MBTPS1: variants seen among roughly 807,000 people sequenced by gnomAD.
MBTPS1 encodes the protein membrane bound transcription factor peptidase, site 1.
MBTPS1 carries 94 observed loss-of-function variants against 127.8 expected under a neutral mutation model. That is an observed-to-expected ratio of 0.74 (90% CI 0.62 to 0.87). MBTPS1 has a LOEUF of 0.87. MBTPS1 is among the 40% of genes least tolerant of loss of function. The pLI, the probability that MBTPS1 is intolerant of heterozygous loss-of-function variation, is 0.00. For synonymous variants in MBTPS1, 632 were observed against 509.4 expected (o/e 1.24, Z -3.24); for missense variants, 1,636 against 1,353.2 (o/e 1.21, Z -3.28).
chr16:84,102,025 C>T lies in MBTPS1; in HGVS notation c.-242G>A. ...GGAAATAAGGCTTCTCTCACTCAGG[C>T]CGTGACGACTGAGTCCTGTACTCCA... On this transcript the variant is annotated 5_prime_UTR_variant, in exon 2 of 23. Transcript: ENST00000343411. 3 of 479,030 alleles carry T rather than the reference C, an allele frequency of 6.3e-6. No individual in the cohort carries two copies. Among genetic ancestry groups the T allele is most frequent in the Non-Finnish European group, 7.5e-6 (2 of 265,414 alleles). The allele number at this position is 479,030 out of a possible 1,614,324, so 29.7% of individuals were successfully genotyped here. A position where few individuals can be genotyped will look rare whatever the true frequency, so the allele number is the denominator to read the frequency against.
rs530592781 is a variant in MBTPS1 at position 84,084,963 on chromosome 16, C to G, written c.1286+20G>C. ...CTGTCCTGACGTGGGAGCTACTGGT[C>G]TCTAGGGGGCAGCACTCACCTCACT... On this transcript the variant is annotated intron_variant, in intron 10 of 22. Transcript: ENST00000343411. The G allele has an allele frequency of 6.2e-7, 1 of 1,611,274 alleles. No homozygotes were observed. The highest frequency in any genetic ancestry group is 1.7e-5 in the Admixed American group (1 of 59,768).
intron 17 of MBTPS1, 119 bp downstream of exon 17, chr16:84,066,370 T>C (rs3785018): frequency 9.2e-7 from 1 of 1,087,920 alleles, no homozygotes; most frequent in East Asian, 2.7e-5. Flanking sequence ...GTGAGTTCTT[T>C]CCACAGACTC....
intron 16 of MBTPS1, among the ~76,000 whole-genome samples, chr16:84,066,822 A>G (rs2085691275): frequency 6.6e-6 from 1 of 152,230 alleles, no homozygotes; most frequent in African/African-American, 2.4e-5. Flanking sequence ...AGCAAAATTT[A>G]TTTTATGAAA....
intron 11 of MBTPS1, among the ~76,000 whole-genome samples, chr16:84,077,346 C>G (rs2085874097): frequency 6.7e-6 from 1 of 149,760 alleles, no homozygotes. Context: ...GATATTAAAA[C>G]ATGCTATAAA....
intron 6 of MBTPS1, 62 bp downstream of exon 6, chr16:84,093,126 G>C: frequency 9.1e-7 from 1 of 1,097,928 alleles, no homozygotes; most frequent in Non-Finnish European, 1.4e-6. Flanking sequence ...ACAGTCCAGT[G>C]ATTCTGCTTT....
intron 8 of MBTPS1, among the ~76,000 whole-genome samples, chr16:84,088,086 T>C (rs1179356312): frequency 2.0e-5 from 3 of 152,110 alleles, no homozygotes; most frequent in African/African-American, 4.8e-5. Flanking sequence ...AAAGAAATTA[T>C]AGTGAAATAA....
intron 4 of MBTPS1, among the ~76,000 whole-genome samples, chr16:84,094,814 G>A (rs16962814): frequency 0.033 from 4,979 of 152,142 alleles, 110 homozygotes; most frequent in African/African-American, 0.053. Flanking sequence ...CCAGTCCACC[G>A]GGTATTAAAA....
chr16:84,060,415 AAC>A (rs1362750499), intron 20 of MBTPS1: 3 of 391,274 alleles, frequency 7.7e-6, no homozygotes, highest in African/African-American at 6.0e-5. Flanking sequence ...CGGGACGGTA[AAC>A]ACACTCAGAG....
chr16:84,073,509 CA>C (rs754541791), intron 12 of MBTPS1, among the ~76,000 whole-genome samples: 1 of 150,896 alleles, frequency 6.6e-6, no homozygotes, highest in African/African-American at 2.4e-5. Context: ...ACAATGATAA[CA>C]AAAAAAATAA....
chr16:84,083,350 A>G (rs925494737), intron 10 of MBTPS1, among the ~76,000 whole-genome samples: 5 of 152,248 alleles, frequency 3.3e-5, no homozygotes, highest in African/African-American at 9.6e-5. Context: ...CAGCAAGCAC[A>G]TGGTTATTCT....
intron 15 of MBTPS1, 99 bp downstream of exon 15, chr16:84,068,240 G>C: frequency 1.2e-6 from 1 of 850,100 alleles, no homozygotes. Context: ...ATACTCCCTT[G>C]GTAGCTATCA....
chr16:84,100,999 C>CAAAAAAAAA (rs562200642), intron 2 of MBTPS1, among the ~76,000 whole-genome samples: 92 of 68,468 alleles, frequency 1.3e-3, no homozygotes, highest in African/African-American at 2.8e-3. Context: ...ACTAAAAATA[C>CAAAAAAAAA]AAAAAAAAAA....
intron 6 of MBTPS1, 144 bp from the exon 7 acceptor site, chr16:84,091,992 T>A: frequency 1.7e-6 from 1 of 602,002 alleles, no homozygotes; most frequent in African/African-American, 1.9e-5. Flanking sequence ...ATCCTGAGCA[T>A]GCATAATGCT....
Position 84,068,458 on chromosome 16 carries a change from A to G in MBTPS1, c.1956-4T>C. 1 of 1,571,594 alleles carries G rather than the reference A, an allele frequency of 6.4e-7. No individual in the cohort carries two copies. Among genetic ancestry groups the G allele is most frequent in the Non-Finnish European group, 8.8e-7 (1 of 1,141,208 alleles). On this transcript the variant is annotated splice_polypyrimidine_tract_variant and splice_region_variant and intron_variant, in intron 14 of 22. Coordinates refer to ENST00000343411, the MANE Select transcript of MBTPS1 (RefSeq NM_003791.4). ...GGTGTGGATGTGATCACCATTCCTG[A>G]AAAACAATAGGCCACAGCATTAAAA...
chr16:84,076,710 T>C (rs1204061895), intron 11 of MBTPS1, among the ~76,000 whole-genome samples: 3 of 152,182 alleles, frequency 2.0e-5, no homozygotes, highest in African/African-American at 7.2e-5. Context: ...CCAAGAAATG[T>C]GTAAAACCTA....
rs2085573052 is a variant in MBTPS1, at chr16:84,059,409, G to A, written c.2724C>T (p.Tyr908=). 1.9e-6 allele frequency: 3 copies of A among 1,613,672 alleles called. No individual in the cohort carries two copies. The South Asian group carries it at 3.3e-5, about 18-fold the overall frequency. ...CCAAATGGGCCTCCAGAACCTTGGA[G>A]TACCGATGAAGATGGTTTCCTGTGG... The part of the protein sequence containing the change: ...ERMEGNHLHR[Y]SKVLEAHLGD... Residue 908 remains tyrosine, a synonymous_variant, in exon 21 of 23, where the codon TAC becomes TAT. Transcript: ENST00000343411.
chr16:84,101,413 T>A (rs1293705759), intron 2 of MBTPS1, among the ~76,000 whole-genome samples: 1 of 149,370 alleles, frequency 6.7e-6, no homozygotes, highest in Non-Finnish European at 1.5e-5. Flanking sequence ...ATTGCTTGAA[T>A]CCAGGAGGTG....
chr16:84,075,425 T>C (rs937781965), intron 11 of MBTPS1: 3 of 138,408 alleles, frequency 2.2e-5, no homozygotes, highest in African/African-American at 8.2e-5. Context: ...ACTGAGTTTG[T>C]GTTGGGTTCA....
chr16:84,099,654 G>C (rs2086227193), intron 2 of MBTPS1, among the ~76,000 whole-genome samples: 1 of 151,936 alleles, frequency 6.6e-6, no homozygotes, highest in Non-Finnish European at 1.5e-5. Flanking sequence ...GTGTGGTGGT[G>C]GGCGCCTATA....
Sources: allele counts gnomAD v4.1 joint callset (sites outside exome capture counted in the v4.1 genomes callset), GRCh38; gene constraint gnomAD v4.1.1; transcripts MANE v1.5; gene names NCBI Gene and HGNC (gene_info 2026-07-23, HGNC 2026-07-21).